B4GALT5: variants seen among roughly 807,000 people sequenced by gnomAD.
B4GALT5 encodes the protein UDP-Gal:beta-GlcNAc beta-1,4-galactosyltransferase 5.
B4GALT5 carries 11 observed loss-of-function variants against 45.0 expected under a neutral mutation model. The observed-to-expected ratio is 0.24, with a 90% confidence interval of 0.15 to 0.40. The LOEUF (loss-of-function observed/expected upper bound fraction) is 0.40. B4GALT5 is among the 10% of genes least tolerant of loss of function. The pLI is 1.00. For synonymous variants in B4GALT5, 185 were observed against 182.9 expected (o/e 1.01, Z -0.09); for missense variants, 337 against 500.2 (o/e 0.67, Z 3.11).
In B4GALT5 at chr20:49,642,567, G is replaced by A; in HGVS notation, c.507C>T (p.Pro169=). 2 of 1,613,902 alleles carry A rather than the reference G, an allele frequency of 1.2e-6. No individual in the cohort carries two copies. The highest frequency in any genetic ancestry group is 1.7e-6 in the Non-Finnish European group (2 of 1,179,838). The part of the protein sequence containing the change: ...MPRWKVAILI[P]FRNRHEHLPV... ...GGAGGTGCTCGTGGCGGTTCCGGAA[G>A]GGGATAAGGATCGCCACCTGGAGTG... Residue 169 remains proline (P), a synonymous_variant, in exon 5 of 9, where the codon CCC becomes CCT. Transcript: ENST00000371711.
Position 49,639,663 on chromosome 20 carries a change from G to C in B4GALT5, c.917+15C>G, listed in dbSNP as rs773799801. ...GTAGCATTTCTAGAAGACACCGAAA[G>C]AACGGCAGAGGTACCTGTTCCAGAG... On this transcript the variant is annotated intron_variant, in intron 7 of 8. Transcript: ENST00000371711. The C allele has an allele frequency of 6.2e-7, 1 of 1,612,612 alleles. No homozygotes were observed. Among genetic ancestry groups the C allele is most frequent in the Admixed American group, 1.7e-5 (1 of 59,964 alleles).
chr20:49,654,063 A>G (rs2085632409), intron 2 of B4GALT5, among the ~76,000 whole-genome samples: 1 of 152,192 alleles, frequency 6.6e-6, no homozygotes, highest in African/African-American at 2.4e-5. Context: ...CTCATCTAAC[A>G]CTGCAGAAGT....
chr20:49,690,753 G>A (rs773903763), intron 1 of B4GALT5, among the ~76,000 whole-genome samples: 8 of 152,082 alleles, frequency 5.3e-5, no homozygotes, highest in African/African-American at 1.2e-4. Context: ...AAGGCATACC[G>A]ATTGATATGT....
At chr20:49,690,213 T>C (rs955066679) in intron 1 of B4GALT5, among the ~76,000 whole-genome samples, 2 of 151,760 alleles carry the variant, frequency 1.3e-5, no homozygotes, top group African/African-American at 4.8e-5. Flanking sequence ...GCCATGTTGG[T>C]CAGGCTGGTC....
intron 1 of B4GALT5, among the ~76,000 whole-genome samples, chr20:49,680,260 G>A (rs947371436): frequency 1.3e-5 from 2 of 152,216 alleles, no homozygotes; most frequent in Admixed American, 1.3e-4. Flanking sequence ...TGGACACAGA[G>A]ACCATGAGTG....
intron 2 of B4GALT5, among the ~76,000 whole-genome samples, chr20:49,648,560 G>T (rs1220572133): frequency 1.3e-5 from 2 of 152,158 alleles, no homozygotes; most frequent in African/African-American, 4.8e-5. Flanking sequence ...CAGTTTTCTT[G>T]GGTTTGTTAA....
intron 1 of B4GALT5, among the ~76,000 whole-genome samples, chr20:49,711,836 A>G (rs1691917578): frequency 6.6e-6 from 1 of 152,198 alleles, no homozygotes. Context: ...AATATGCTTA[A>G]AAAATAATCA....
intron 7 of B4GALT5, among the ~76,000 whole-genome samples, chr20:49,637,800 G>A (rs1352988652): frequency 6.6e-6 from 1 of 151,602 alleles, no homozygotes; most frequent in Non-Finnish European, 1.5e-5. Context: ...TTAGCCAGGC[G>A]TGGTGGTGCA....
intron 2 of B4GALT5, among the ~76,000 whole-genome samples, chr20:49,649,073 T>C (rs776877553): frequency 5.9e-5 from 9 of 152,176 alleles, no homozygotes; most frequent in South Asian, 2.1e-4. Context: ...GGCTAACACA[T>C]TGAATCCTTT....
chr20:49,710,716 C>T (rs1322168062), intron 1 of B4GALT5, among the ~76,000 whole-genome samples: 1 of 152,090 alleles, frequency 6.6e-6, no homozygotes, highest in African/African-American at 2.4e-5. Flanking sequence ...CCACACCCAG[C>T]CAACCTAGTA....
chr20:49,680,639 T>C (rs1161151765), intron 1 of B4GALT5, among the ~76,000 whole-genome samples: 3 of 152,008 alleles, frequency 2.0e-5, no homozygotes, highest in Non-Finnish European at 4.4e-5. Context: ...ATAATAGAGG[T>C]TGAGAAGGGG....
At chr20:49,656,166 T>G (rs1442441467) in intron 2 of B4GALT5, among the ~76,000 whole-genome samples, 1 of 152,120 alleles carries the variant, frequency 6.6e-6, no homozygotes. Context: ...AGCCTGGCCC[T>G]GCCCTCCTCT....
At chr20:49,665,440 G>GT (rs1379979493) in intron 1 of B4GALT5, among the ~76,000 whole-genome samples, 1 of 95,030 alleles carries the variant, frequency 1.1e-5, no homozygotes, top group Non-Finnish European at 2.0e-5. Context: ...GGGGGTAGTA[G>GT]TAATAATAAT....
In B4GALT5 at chr20:49,663,576, C is replaced by T. The variant is rs112027975; in HGVS notation, c.116-6874G>A. On this transcript the variant is annotated intron_variant, in intron 1 of 8. Coordinates refer to ENST00000371711, the MANE Select transcript of B4GALT5 (RefSeq NM_004776.4). ...TTATCTAGCTGGGCATGGTGGCACA[C>T]ACCTATGGTCCCAGCTGCTTGGGAG... 4.3e-3 allele frequency among the ~76,000 whole-genome samples: 640 copies of T among 149,938 alleles called. 4 individuals carry two copies. The highest frequency in any genetic ancestry group is 0.015 in the African/African-American group (600 of 40,820).
At chr20:49,656,542 A>G in intron 2 of B4GALT5, 26 bp downstream of exon 2, 2 of 1,613,462 alleles carry the variant, frequency 1.2e-6, no homozygotes, top group Non-Finnish European at 1.7e-6. Flanking sequence ...CATTCTAATC[A>G]GACCACCTCT....
chr20:49,642,531 G>C lies in B4GALT5; in HGVS notation c.543C>G (p.Phe181Leu). The change falls in exon 5 of 9, where the codon TTC becomes TTG. Residue 181 changes from phenylalanine to leucine, a missense_variant. By Grantham distance (22) the Phe-to-Leu change is conservative (BLOSUM62 0). This residue lies in a region of B4GALT5 where 163 missense variants were observed against 292.8 expected (regional missense o/e 0.56). Transcript: ENST00000371711. ...RNRHEHLPVL[F>L]RHLLPMLQRQ... ...GCTGGAGCATGGGAAGCAGGTGTCT[G>C]AACAGGACTGGGAGGTGCTCGTGGC... is the stretch of plus-strand genomic sequence containing the variant. 1 of 1,614,218 alleles carries C rather than the reference G, an allele frequency of 6.2e-7. No homozygotes were observed. Among genetic ancestry groups the C allele is most frequent in the South Asian group, 1.1e-5 (1 of 91,080 alleles).
At chr20:49,662,725 C>A (rs576675648) in intron 1 of B4GALT5, among the ~76,000 whole-genome samples, 1 of 152,168 alleles carries the variant, frequency 6.6e-6, no homozygotes, top group South Asian at 2.1e-4. Context: ...GCTTTCCCCC[C>A]AAAATGTTCT....
chr20:49,677,703 A>G (rs1256070956), intron 1 of B4GALT5, among the ~76,000 whole-genome samples: 1 of 152,174 alleles, frequency 6.6e-6, no homozygotes, highest in East Asian at 1.9e-4. Flanking sequence ...CCAAAATTAC[A>G]TCTGTATTTG....
At chr20:49,637,509 C>A in intron 7 of B4GALT5, 67 bp from the exon 8 acceptor site, 1 of 1,169,866 alleles carries the variant, frequency 8.5e-7, no homozygotes, top group East Asian at 2.3e-5. Context: ...CCAAAGCCTA[C>A]AAGACATGTT....
Sources: allele counts gnomAD v4.1 joint callset (sites outside exome capture counted in the v4.1 genomes callset), GRCh38; gene constraint gnomAD v4.1.1; regional missense constraint gnomAD v4.1.1; transcripts MANE v1.5; gene names NCBI Gene and HGNC (gene_info 2026-07-23, HGNC 2026-07-21).